SLCO1A2: variants seen among roughly 807,000 people sequenced by gnomAD.
The protein encoded by SLCO1A2 is solute carrier organic anion transporter family member 1A2, also known as OATP-1.
A neutral mutation model predicts 69.0 loss-of-function variants in SLCO1A2; 67 were observed. The ratio of observed to expected loss-of-function variants is 0.97; its 90% CI spans 0.80 to 1.19. The LOEUF (loss-of-function observed/expected upper bound fraction) is 1.19, where lower values mean the gene tolerates loss of function less well. SLCO1A2 is among the 50% of genes most tolerant of loss of function. The probability of loss-of-function intolerance (pLI) is 0.00; values close to 1 mark genes in which losing one functional copy is unlikely to be tolerated. For synonymous variants in SLCO1A2, 260 were observed against 265.9 expected (o/e 0.98, Z 0.22); for missense variants, 787 against 793.7 (o/e 0.99, Z 0.10).
Position 21,415,873 on chromosome 12 carries a change from C to G in SLCO1A2, c.-312+2009G>C, listed in dbSNP as rs571451733. On this transcript the variant is annotated intron_variant, in intron 1 of 4. Coordinates refer to the SLCO1A2 transcript ENST00000413682. ...TTACCCTCCTCATCTCTTGGCTCCTCTTTTATATTTTCCTACTTTTTGTCC... is the reference window on the plus strand; with the variant it reads ...TTACCCTCCTCATCTCTTGGCTCCTGTTTTATATTTTCCTACTTTTTGTCC... Among the ~76,000 whole-genome samples the G allele has an allele frequency of 2.0e-5, 3 of 152,124 alleles. No individual in the cohort carries two copies. In the East Asian group the frequency reaches 5.8e-4, roughly 29 times the overall value.
At chr12:21,309,121 G>A (rs1161526810) in intron 4 of SLCO1A2, among the ~76,000 whole-genome samples, 1 of 152,078 alleles carries the variant, frequency 6.6e-6, no homozygotes, top group African/African-American at 2.4e-5. Flanking sequence ...GCCATTCAAA[G>A]GCATGGAAAA....
chr12:21,383,027 T>G (rs887008990), intron 1 of SLCO1A2, among the ~76,000 whole-genome samples: 3 of 152,192 alleles, frequency 2.0e-5, no homozygotes, highest in African/African-American at 7.2e-5. Flanking sequence ...GTCTTGAAAC[T>G]GGACACACAG....
chr12:21,381,088 A>G (rs970875648), intron 1 of SLCO1A2, among the ~76,000 whole-genome samples: 2 of 152,156 alleles, frequency 1.3e-5, no homozygotes, highest in Non-Finnish European at 2.9e-5. Context: ...AAGTATGTAC[A>G]CTATGAGAAA....
intron 3 of SLCO1A2, among the ~76,000 whole-genome samples, chr12:21,318,322 T>C (rs1472617229): frequency 1.3e-5 from 2 of 152,092 alleles, no homozygotes; most frequent in Admixed American, 1.3e-4. Context: ...GGTTTCACCA[T>C]GTTAGCCAGG....
At chr12:21,330,698 A>G (rs1278697921) in intron 2 of SLCO1A2, among the ~76,000 whole-genome samples, 1 of 152,190 alleles carries the variant, frequency 6.6e-6, no homozygotes, top group Non-Finnish European at 1.5e-5. Flanking sequence ...TTGCATTAAG[A>G]GTAACTCAAC....
At chr12:21,326,332 T>C (rs1591847121) in intron 2 of SLCO1A2, among the ~76,000 whole-genome samples, 1 of 151,962 alleles carries the variant, frequency 6.6e-6, no homozygotes, top group Non-Finnish European at 1.5e-5. Flanking sequence ...GAGAGTGGAG[T>C]GCTGCTGTAA....
chr12:21,275,890 T>C (rs896556055), intron 12 of SLCO1A2, among the ~76,000 whole-genome samples: 2 of 151,674 alleles, frequency 1.3e-5, no homozygotes, highest in African/African-American at 4.8e-5. Context: ...TGCAATGAGC[T>C]GAAATTGCGC....
At chr12:21,316,763 C>T (rs1041413631) in intron 3 of SLCO1A2, among the ~76,000 whole-genome samples, 1 of 152,156 alleles carries the variant, frequency 6.6e-6, no homozygotes, top group African/African-American at 2.4e-5. Context: ...TAAATTCTCT[C>T]TCTAGTTTTA....
At chr12:21,313,270 G>C (rs2136663636) in intron 4 of SLCO1A2, among the ~76,000 whole-genome samples, 1 of 152,328 alleles carries the variant, frequency 6.6e-6, no homozygotes, top group Middle Eastern at 3.4e-3. Flanking sequence ...AGCACATGCT[G>C]TTGGAAAAAT....
intron 2 of SLCO1A2, chr12:21,373,740 A>C (rs1259539826): frequency 1.9e-5 from 13 of 700,890 alleles, no homozygotes; most frequent in Admixed American, 1.2e-4. Flanking sequence ...AAAGGTAGTA[A>C]TTTCTTCTAT....
intron 1 of SLCO1A2, chr12:21,378,531 G>C (rs1278883213): frequency 3.2e-6 from 3 of 950,242 alleles, no homozygotes; most frequent in Non-Finnish European, 5.1e-6. Context: ...CTGTGTGTCT[G>C]ATGTTTGTTG....
At chr12:21,270,743 T>C (rs1037123852) in intron 14 of SLCO1A2, among the ~76,000 whole-genome samples, 2 of 151,606 alleles carry the variant, frequency 1.3e-5, no homozygotes, top group African/African-American at 2.4e-5. Flanking sequence ...GAAAAATATC[T>C]ATTTAATATG....
intron 4 of SLCO1A2, among the ~76,000 whole-genome samples, chr12:21,314,177 C>G (rs1251798207): frequency 2.6e-5 from 4 of 152,074 alleles, no homozygotes; most frequent in Non-Finnish European, 5.9e-5. Flanking sequence ...AAAGAAAAAT[C>G]AGCCTTCAGA....
intron 10 of SLCO1A2, 57 bp from the exon 11 acceptor site, chr12:21,294,167 CTTCTT>C (rs1375640994): frequency 2.3e-6 from 3 of 1,323,200 alleles, no homozygotes; most frequent in African/African-American, 3.0e-5. Context: ...TCCTTTTTTT[CTTCTT>C]TTCATCTCAA....
Position 21,319,463 on chromosome 12 carries a change from T to A in SLCO1A2, c.61-540A>T, listed in dbSNP as rs1951315545. The A allele has an allele frequency of 2.2e-6, 3 of 1,367,148 alleles. No homozygotes were observed. In the South Asian group the frequency reaches 3.4e-5, roughly 16 times the overall value. 84.7% of individuals were successfully genotyped at this position (1,367,148 alleles called of 1,614,324 possible). Reference sequence around the variant, plus strand: ...GCAATGAGGGAAATATCCAGAACAATCTGAGTTATGTCCTCATTCTTCCCA... The same window carrying A: ...GCAATGAGGGAAATATCCAGAACAAACTGAGTTATGTCCTCATTCTTCCCA... On this transcript the variant is annotated intron_variant, in intron 2 of 14. Coordinates refer to ENST00000683939, the MANE Select transcript of SLCO1A2 (RefSeq NM_001386879.1).
rs1389468701 is a variant in SLCO1A2, at chr12:21,295,692, AC to A, written c.1175del (p.Cys392PhefsTer17). 17 of 1,607,970 alleles carry A rather than the reference AC, an allele frequency of 1.1e-5. No homozygotes were observed. The highest frequency in any genetic ancestry group is 1.4e-5 in the Non-Finnish European group (16 of 1,174,756). On this transcript the variant is annotated frameshift_variant, in exon 10 of 15. Coordinates refer to ENST00000683939, the MANE Select transcript of SLCO1A2 (RefSeq NM_001386879.1). LOFTEE classifies it high-confidence loss of function. ...GAAGATACTCAAGTAAGGATAACCA[AC>A]ATCCTATGTGGGCAGCTTGTTTGAC... is the stretch of plus-strand genomic sequence containing the variant. ...ITVKQAAHIG[C>X]WLSLLEYLLY...
intron 1 of SLCO1A2, among the ~76,000 whole-genome samples, chr12:21,382,789 G>A (rs1236755108): frequency 1.0e-4 from 12 of 115,840 alleles, no homozygotes; most frequent in African/African-American, 2.4e-4. Context: ...AAGAAACTCC[G>A]TCTCAAAAAA....
intron 2 of SLCO1A2, among the ~76,000 whole-genome samples, chr12:21,343,366 C>T (rs56806648): frequency 0.09 from 13,759 of 152,136 alleles, 801 homozygotes; most frequent in African/African-American, 0.16. Context: ...AGGTCTTGTA[C>T]GCAGTAGGTG....
intron 1 of SLCO1A2, among the ~76,000 whole-genome samples, chr12:21,380,935 G>A (rs1324586291): frequency 6.9e-6 from 1 of 144,954 alleles, no homozygotes; most frequent in Non-Finnish European, 1.5e-5. Context: ...CTGATGGTCA[G>A]GTGATTGTTA....
Sources: gnomAD v4.1 joint callset for allele counts (sites outside exome capture counted in the v4.1 genomes callset) on GRCh38, gnomAD v4.1.1 for gene constraint, MANE v1.5 for transcripts, NCBI Gene and HGNC (gene_info 2026-07-23, HGNC 2026-07-21) for gene names.